Variants in DNAH5 observed in about 807,000 individuals in gnomAD.
The protein encoded by DNAH5 is axonemal beta dynein heavy chain 5.
Under a neutral mutation model 518.2 loss-of-function variants are expected in DNAH5, and 372 were observed. The ratio of observed to expected loss-of-function variants is 0.72; its 90% CI spans 0.66 to 0.78. The LOEUF (loss-of-function observed/expected upper bound fraction) is 0.78, where lower values mean the gene tolerates loss of function less well. DNAH5 is among the 30% of genes least tolerant of loss of function. DNAH5 has a pLI of 0.00. For missense variants in DNAH5, 5,523 were observed against 5,687.0 expected (o/e 0.97, Z 0.93); for synonymous variants, 2,039 against 2,025.9 (o/e 1.01, Z -0.17).
chr5:13,957,257 G>C (rs1780822649), intron 1 of DNAH5, among the ~76,000 whole-genome samples: 1 of 152,216 alleles, frequency 6.6e-6, no homozygotes, highest in Non-Finnish European at 1.5e-5. Flanking sequence ...GTGGAGGTTA[G>C]CTGCCATCCA....
At position 13,766,045 on chromosome 5, in the gene DNAH5, G is replaced by A. The variant is rs1225091555; in HGVS notation, c.10032C>T (p.Ser3344=). The A allele has an allele frequency of 6.2e-7, 1 of 1,614,180 alleles. No homozygotes were observed. Among genetic ancestry groups the A allele is most frequent in the Non-Finnish European group, 8.5e-7 (1 of 1,180,012 alleles). Reference sequence around the variant, plus strand: ...ATTCCTGCCAGGAGGGCATGGTACAGCTTTTTTCCAGGTCAATTTTCACAG... The same window carrying A: ...ATTCCTGCCAGGAGGGCATGGTACAACTTTTTTCCAGGTCAATTTTCACAG... ...VSAVKIDLEK[S]CTMPSWQESL... The change falls in exon 59 of 79, where the codon AGC becomes AGT. Residue 3344 remains serine (S), a synonymous_variant. Transcript: ENST00000265104.
intron 38 of DNAH5, among the ~76,000 whole-genome samples, chr5:13,825,325 G>C (rs966659038): frequency 1.4e-5 from 2 of 147,462 alleles, no homozygotes; most frequent in African/African-American, 4.9e-5. Flanking sequence ...CTGGGCAACA[G>C]AGCAAGACTC....
intron 1 of DNAH5, among the ~76,000 whole-genome samples, chr5:14,005,100 C>A (rs942942173): frequency 3.9e-5 from 6 of 152,096 alleles, no homozygotes; most frequent in African/African-American, 1.4e-4. Context: ...CTATCACTCT[C>A]CCCTGCCCCA....
intron 63 of DNAH5, among the ~76,000 whole-genome samples, chr5:13,752,837 C>T (rs1253128326): frequency 6.6e-6 from 1 of 152,192 alleles, no homozygotes; most frequent in Non-Finnish European, 1.5e-5. Context: ...TATTGGGAAG[C>T]ATGTAAAGGC....
At chr5:13,878,313 A>G (rs535732032) in intron 21 of DNAH5, among the ~76,000 whole-genome samples, 3 of 152,348 alleles carry the variant, frequency 2.0e-5, no homozygotes, top group African/African-American at 7.2e-5. Flanking sequence ...ACAGAAAGGA[A>G]GTTTCAATGG....
intron 38 of DNAH5, among the ~76,000 whole-genome samples, chr5:13,825,919 A>G (rs538927320): frequency 1.3e-5 from 2 of 152,350 alleles, no homozygotes; most frequent in East Asian, 3.9e-4. Flanking sequence ...TGCTAAGGTA[A>G]TTGGGAGCAG....
chr5:13,989,704 C>T (rs550371127), intron 1 of DNAH5, among the ~76,000 whole-genome samples: 2 of 152,044 alleles, frequency 1.3e-5, no homozygotes, highest in African/African-American at 4.8e-5. Flanking sequence ...AGGATGATCT[C>T]GATCTCCTGA....
intron 47 of DNAH5, among the ~76,000 whole-genome samples, chr5:13,797,595 C>A (rs999091870): frequency 6.6e-6 from 1 of 152,154 alleles, no homozygotes; most frequent in Non-Finnish European, 1.5e-5. Flanking sequence ...AACGTTTTTA[C>A]ACTGTTGGTG....
At chr5:13,982,369 T>C (rs926476057) in intron 1 of DNAH5, among the ~76,000 whole-genome samples, 1 of 152,256 alleles carries the variant, frequency 6.6e-6, no homozygotes, top group Non-Finnish European at 1.5e-5. Context: ...CATGAGTGAG[T>C]AGACATATGC....
At chr5:13,760,307 T>C (rs777537279) in intron 60 of DNAH5, among the ~76,000 whole-genome samples, 1 of 152,238 alleles carries the variant, frequency 6.6e-6, no homozygotes, top group African/African-American at 2.4e-5. Flanking sequence ...ACTTAGGACT[T>C]GTAGAACTCT....
chr5:13,879,734 G>T (rs1771382106), intron 21 of DNAH5, among the ~76,000 whole-genome samples: 1 of 151,842 alleles, frequency 6.6e-6, no homozygotes, highest in Non-Finnish European at 1.5e-5. Flanking sequence ...GATTCAAAGA[G>T]AGGTCACTGA....
intron 1 of DNAH5, among the ~76,000 whole-genome samples, chr5:14,003,711 C>A (rs771879864): frequency 6.6e-6 from 1 of 152,196 alleles, no homozygotes; most frequent in African/African-American, 2.4e-5. Flanking sequence ...GTGGAAGTGA[C>A]GTCCAAGGCT....
intron 1 of DNAH5, among the ~76,000 whole-genome samples, chr5:14,006,972 GC>G (rs904482170): frequency 5.7e-4 from 87 of 152,240 alleles, no homozygotes; most frequent in African/African-American, 1.8e-3. Flanking sequence ...ACTTCTTCTG[GC>G]TGGACAGCTC....
chr5:13,947,575 T>C (rs1410862848), upstream of DNAH5, among the ~76,000 whole-genome samples: 2 of 152,196 alleles, frequency 1.3e-5, no homozygotes, highest in African/African-American at 2.4e-5. Context: ...GCAATATCAA[T>C]GGAGAGGACG....
intron 12 of DNAH5, among the ~76,000 whole-genome samples, chr5:13,907,065 C>T (rs988037821): frequency 1.3e-5 from 2 of 152,112 alleles, no homozygotes; most frequent in Non-Finnish European, 2.9e-5. Flanking sequence ...TACAGACTAA[C>T]CTTTGGCAAA....
intron 67 of DNAH5, 102 bp from the exon 68 acceptor site, chr5:13,735,423 A>G (rs1747247015): frequency 8.5e-7 from 1 of 1,169,764 alleles, no homozygotes; most frequent in Non-Finnish European, 1.2e-6. Flanking sequence ...TGGAGGAAGA[A>G]TTCTTATTTT....
rs1230308893 is a variant in DNAH5 at position 13,809,146 on chromosome 5, C to G, written c.7650G>C (p.Leu2550=). Residue 2550 remains leucine (L), a synonymous_variant, in exon 46 of 79, where the codon CTG becomes CTC. Transcript: ENST00000265104. The part of the protein sequence containing the change: ...THWNTRTQEY[L]YPSDTTPEYG... ...ACTCTGGGGTGGTATCAGACGGATA[C>G]AGGTATTCCTGGGTACGCGTGTTCC... The G allele has an allele frequency of 6.2e-7, 1 of 1,614,164 alleles. No individual in the cohort carries two copies. The highest frequency in any genetic ancestry group is 1.7e-5 in the Admixed American group (1 of 60,022).
At chr5:13,801,336 A>G (rs1274332737) in intron 47 of DNAH5, among the ~76,000 whole-genome samples, 2 of 152,140 alleles carry the variant, frequency 1.3e-5, no homozygotes, top group East Asian at 3.9e-4. Flanking sequence ...CTTCCAACAT[A>G]ACTGAAAGTT....
chr5:13,770,688 A>T (rs1339323271), intron 56 of DNAH5, 61 bp downstream of exon 56: 1 of 1,468,772 alleles, frequency 6.8e-7, no homozygotes, highest in African/African-American at 1.4e-5. Flanking sequence ...ACCAGGGCAA[A>T]TCTGTCCCTG....
Sources: allele counts gnomAD v4.1 joint callset (sites outside exome capture counted in the v4.1 genomes callset), GRCh38; gene constraint gnomAD v4.1.1; transcripts MANE v1.5; gene names NCBI Gene and HGNC (gene_info 2026-07-23, HGNC 2026-07-21).